Variants in EPHA5 observed in about 807,000 individuals in gnomAD.
EPHA5 encodes the protein EPH receptor A5, also known as ephrin type-A receptor 5.
EPHA5 carries 60 observed loss-of-function variants against 105.0 expected under a neutral mutation model. That is an observed-to-expected ratio of 0.57 (90% CI 0.46 to 0.71). The LOEUF (loss-of-function observed/expected upper bound fraction) is 0.71, where lower values mean the gene tolerates loss of function less well. EPHA5 is among the 30% of genes least tolerant of loss of function. The pLI is 0.00. For synonymous variants in EPHA5, 513 were observed against 449.1 expected, an observed-to-expected ratio of 1.14 and a Z score of -1.80; for missense variants, 1,218 against 1,274.7, an observed-to-expected ratio of 0.96 and a Z score of 0.68.
At chr4:65,394,233 C>T (rs1167745689) in intron 8 of EPHA5, among the ~76,000 whole-genome samples, 1 of 152,112 alleles carries the variant, frequency 6.6e-6, no homozygotes, top group Non-Finnish European at 1.5e-5. Flanking sequence ...ATTCATATTT[C>T]TGATAGTTTC....
intron 3 of EPHA5, among the ~76,000 whole-genome samples, chr4:65,578,631 T>C (rs1265408942): frequency 1.3e-5 from 2 of 152,238 alleles, no homozygotes; most frequent in Non-Finnish European, 2.9e-5. Flanking sequence ...AAAAGAAACC[T>C]TTAATTTTTG....
chr4:65,640,524 G>A (rs1048674659), intron 2 of EPHA5, among the ~76,000 whole-genome samples: 3 of 152,064 alleles, frequency 2.0e-5, no homozygotes, highest in African/African-American at 7.2e-5. Flanking sequence ...CTGACCTCGT[G>A]ATCCACCCGC....
At chr4:65,389,899 A>C (rs1001799316) in intron 8 of EPHA5, among the ~76,000 whole-genome samples, 3 of 152,018 alleles carry the variant, frequency 2.0e-5, no homozygotes, top group African/African-American at 7.2e-5. Context: ...ATTAATTTCC[A>C]CAGGGAGGTC....
At chr4:65,458,726 A>G (rs1727848931) in intron 5 of EPHA5, among the ~76,000 whole-genome samples, 2 of 152,132 alleles carry the variant, frequency 1.3e-5, no homozygotes, top group African/African-American at 4.8e-5. Context: ...GTACCTTTCT[A>G]ATAGTAGGTA....
intron 3 of EPHA5, among the ~76,000 whole-genome samples, chr4:65,578,469 C>A (rs1026720572): frequency 6.6e-5 from 10 of 152,108 alleles, no homozygotes; most frequent in Admixed American, 2.0e-4. Flanking sequence ...ACCAGAGGGG[C>A]ACACACACAG....
intron 8 of EPHA5, 44 bp downstream of exon 8, chr4:65,404,330 A>C: frequency 5.4e-5 from 82 of 1,523,052 alleles, no homozygotes; most frequent in Non-Finnish European, 6.6e-5. Context: ...AAGGTGAGGA[A>C]GAGATCAGCT....
chr4:65,460,559 A>C (rs1044959720), intron 5 of EPHA5, among the ~76,000 whole-genome samples: 7 of 151,504 alleles, frequency 4.6e-5, no homozygotes, highest in Admixed American at 1.3e-4. Flanking sequence ...ATCCATAAAA[A>C]GTAAAAAAGT....
chr4:65,349,848 A>G (rs941763801), intron 13 of EPHA5, among the ~76,000 whole-genome samples: 3 of 152,078 alleles, frequency 2.0e-5, no homozygotes, highest in African/African-American at 7.2e-5. Flanking sequence ...TAGAATTGTC[A>G]TTTGTTGATT....
intron 5 of EPHA5, among the ~76,000 whole-genome samples, chr4:65,465,551 G>A (rs6854945): frequency 0.082 from 5,464 of 66,398 alleles, 142 homozygotes; most frequent in Admixed American, 0.14. Flanking sequence ...GGAAGGAAAG[G>A]AAGGAAAGGA....
intron 6 of EPHA5, among the ~76,000 whole-genome samples, chr4:65,418,561 T>TCA (rs1723614693): frequency 6.6e-6 from 1 of 152,188 alleles, no homozygotes; most frequent in South Asian, 2.1e-4. Context: ...GTATGTGTCA[T>TCA]CATTTATGTT....
chr4:65,557,366 T>A (rs914515723), intron 3 of EPHA5, among the ~76,000 whole-genome samples: 1 of 150,558 alleles, frequency 6.6e-6, no homozygotes, highest in Non-Finnish European at 1.5e-5. Flanking sequence ...TATTGAAAAA[T>A]TAAAGTTAGT....
chr4:65,589,090 A>G (rs559797349), intron 3 of EPHA5, among the ~76,000 whole-genome samples: 1 of 152,298 alleles, frequency 6.6e-6, no homozygotes, highest in South Asian at 2.1e-4. Flanking sequence ...CAATATGTTT[A>G]TTGTGGGAGA....
At chr4:65,466,046 A>G (rs1358413381) in intron 5 of EPHA5, among the ~76,000 whole-genome samples, 1 of 152,234 alleles carries the variant, frequency 6.6e-6, no homozygotes, top group Non-Finnish European at 1.5e-5. Flanking sequence ...TTAGAGGGTA[A>G]TATGTGCTGT....
At chr4:65,477,189 T>C (rs1729904705) in intron 5 of EPHA5, among the ~76,000 whole-genome samples, 1 of 152,142 alleles carries the variant, frequency 6.6e-6, no homozygotes, top group Non-Finnish European at 1.5e-5. Flanking sequence ...CAGAGAAAGC[T>C]TTTCTCAAGA....
Position 65,351,576 on chromosome 4 carries a change from A to T in EPHA5, c.2258T>A (p.Val753Glu), listed in dbSNP as rs2148855823. Residue 753 changes from valine (V) to glutamate (E), a missense_variant, in exon 13 of 17, where the codon GTG becomes GAG. By Grantham distance (121) the Val-to-Glu change is moderately radical (BLOSUM62 -2). Around this residue, in one of 3 missense-constraint regions of EPHA5, gnomAD observed 971 missense variants for 1,013.5 expected, o/e 0.96. Coordinates refer to ENST00000613740, the MANE Select transcript of EPHA5 (RefSeq NM_001281766.3). ...TCTCAGCATGCCAACAAGCTGAATCACAGTGAACTGCCCATCGTTTTTCTG... is the reference window on the plus strand; with the variant it reads ...TCTCAGCATGCCAACAAGCTGAATCTCAGTGAACTGCCCATCGTTTTTCTG... ...FLKKNDGQFTVIQLVGMLRGI... is the reference protein window; with the variant it reads ...FLKKNDGQFTEIQLVGMLRGI... 3.1e-6 allele frequency: 5 copies of T among 1,613,624 alleles called. No homozygotes were observed. Among genetic ancestry groups the T allele is most frequent in the Non-Finnish European group, 4.2e-6 (5 of 1,179,700 alleles).
intron 8 of EPHA5, among the ~76,000 whole-genome samples, chr4:65,381,896 G>A (rs1577969252): frequency 6.6e-6 from 1 of 151,660 alleles, no homozygotes; most frequent in East Asian, 1.9e-4. Flanking sequence ...CCCTCACTAG[G>A]AATCAAAGAG....
chr4:65,499,960 A>T (rs1347734065), intron 3 of EPHA5, among the ~76,000 whole-genome samples: 1 of 151,378 alleles, frequency 6.6e-6, no homozygotes, highest in Non-Finnish European at 1.5e-5. Context: ...GTGACAAAAC[A>T]TGTTTGAGTT....
chr4:65,546,457 CT>C (rs1412154421), intron 3 of EPHA5, among the ~76,000 whole-genome samples: 4 of 151,944 alleles, frequency 2.6e-5, no homozygotes, highest in Admixed American at 2.6e-4. Context: ...ATTGGAAATA[CT>C]TTTTTTCTTT....
At chr4:65,466,787 G>C (rs1177537414) in intron 5 of EPHA5, among the ~76,000 whole-genome samples, 2 of 152,190 alleles carry the variant, frequency 1.3e-5, no homozygotes, top group Admixed American at 6.5e-5. Flanking sequence ...GGGAATATCT[G>C]ATTGTAAGCA....
Sources: gnomAD v4.1 joint callset for allele counts (sites outside exome capture counted in the v4.1 genomes callset) on GRCh38, gnomAD v4.1.1 for gene constraint, gnomAD v4.1.1 regional missense constraint, MANE v1.5 for transcripts, NCBI Gene and HGNC (gene_info 2026-07-23, HGNC 2026-07-21) for gene names.